The following SPATC1 variants were observed in gnomAD, a reference collection of about 807,000 sequenced individuals.
The protein encoded by SPATC1 is speriolin.
In SPATC1, 35 loss-of-function variants were observed where a neutral mutation model predicts 36.5. The ratio of observed to expected loss-of-function variants is 0.96; its 90% CI spans 0.73 to 1.27. SPATC1 has a LOEUF of 1.27. Among genes scored for constraint, SPATC1 ranks in the 50% most tolerant of loss-of-function variants. The probability of loss-of-function intolerance (pLI) is 0.00; values close to 1 mark genes in which losing one functional copy is unlikely to be tolerated. For missense variants in SPATC1, 779 were observed against 796.0 expected, an observed-to-expected ratio of 0.98 and a Z score of 0.26; for synonymous variants, 361 against 353.6, an observed-to-expected ratio of 1.02 and a Z score of -0.24.
At chr8:144,039,519 G>C (rs1197487171) in intron 1 of SPATC1, among the ~76,000 whole-genome samples, 1 of 152,210 alleles carries the variant, frequency 6.6e-6, no homozygotes, top group Admixed American at 6.5e-5. Context: ...GGTGACCTGA[G>C]AATCCAGCTG....
At chr8:144,042,321 T>A (rs1279348332) in intron 4 of SPATC1, among the ~76,000 whole-genome samples, 28 of 112,104 alleles carry the variant, frequency 2.5e-4, no homozygotes, top group African/African-American at 8.6e-4. Flanking sequence ...ATTTTTTTTT[T>A]TTTTTTTTTT....
At chr8:144,038,457 T>G (rs1834973820) in intron 1 of SPATC1, among the ~76,000 whole-genome samples, 1 of 150,304 alleles carries the variant, frequency 6.7e-6, no homozygotes, top group Admixed American at 6.6e-5. Context: ...CCGCATGAAT[T>G]TTACTTCTTT....
At chr8:144,038,060 G>A (rs1265217143) in intron 1 of SPATC1, among the ~76,000 whole-genome samples, 4 of 151,386 alleles carry the variant, frequency 2.6e-5, no homozygotes, top group East Asian at 3.9e-4. Context: ...CCCGGGGGGC[G>A]GAGCCTTCAG....
intron 1 of SPATC1, among the ~76,000 whole-genome samples, chr8:144,034,956 G>T (rs951003261): frequency 2.8e-4 from 43 of 152,276 alleles, no homozygotes; most frequent in African/African-American, 8.7e-4. Flanking sequence ...TACACTTGAT[G>T]TAACAATTTT....
intron 1 of SPATC1, among the ~76,000 whole-genome samples, chr8:144,025,754 T>G (rs2133117645): frequency 6.6e-6 from 1 of 152,276 alleles, no homozygotes; most frequent in East Asian, 1.9e-4. Flanking sequence ...TGATGGGTCG[T>G]AGACTGAGGC....
At chr8:144,011,263 G>A (rs1355963786), upstream of SPATC1, among the ~76,000 whole-genome samples, 2 of 152,222 alleles carry the variant, frequency 1.3e-5, no homozygotes, top group East Asian at 3.9e-4. The surrounding 1 kb of genome is among the most constrained non-coding windows in gnomAD (Gnocchi z 4.5). Context: ...TAAAGTTAGA[G>A]GGGTGACTGA....
intron 4 of SPATC1, 140 bp downstream of exon 4, chr8:144,041,511 C>A (rs994524114): frequency 1.0e-4 from 117 of 1,122,730 alleles, no homozygotes; most frequent in Non-Finnish European, 1.4e-4. Flanking sequence ...TCAGTGCCAA[C>A]GGCCTGCAGG....
intron 1 of SPATC1, among the ~76,000 whole-genome samples, chr8:144,033,399 CAAA>C (rs1316362492): frequency 8.0e-6 from 1 of 125,784 alleles, no homozygotes; most frequent in Non-Finnish European, 1.7e-5. Context: ...GACTCCGTCT[CAAA>C]AAAAAAAAAA....
chr8:144,025,618 A>C (rs1232043159), intron 1 of SPATC1, among the ~76,000 whole-genome samples: 1 of 152,178 alleles, frequency 6.6e-6, no homozygotes, highest in Non-Finnish European at 1.5e-5. Context: ...ACAAGCTAAC[A>C]GTGGGTGTCT....
intron 1 of SPATC1, among the ~76,000 whole-genome samples, chr8:144,026,308 C>T (rs1202744667): frequency 1.3e-5 from 2 of 152,168 alleles, no homozygotes; most frequent in Non-Finnish European, 2.9e-5. Flanking sequence ...TGGCTGAATA[C>T]TATTCCAGTG....
intron 1 of SPATC1, among the ~76,000 whole-genome samples, chr8:144,027,007 G>GGT (rs1375778377): frequency 7.5e-6 from 1 of 133,748 alleles, no homozygotes; most frequent in African/African-American, 2.8e-5. Context: ...TTTTTTTTTG[G>GGT]ATTTTTAGTA....
In SPATC1 at chr8:144,045,025, C is replaced by A. The variant is rs1398775769; in HGVS notation, c.1447-1602C>A. On this transcript the variant is annotated intron_variant, in intron 4 of 4. Transcript: ENST00000377470. The surrounding 1 kb of genome is among the most constrained non-coding windows in gnomAD (Gnocchi z 5.2). ...CCATCCCCCAAGGTGGGGGCCCCTG[C>A]GTGCCCTGGTGCTCAGTGCTCACTG... Among the ~76,000 whole-genome samples, 1 of 152,252 alleles carries A rather than the reference C, an allele frequency of 6.6e-6. No individual in the cohort carries two copies. Among genetic ancestry groups the A allele is most frequent in the Non-Finnish European group, 1.5e-5 (1 of 68,036 alleles).
chr8:144,036,526 G>T (rs1363913135), intron 1 of SPATC1, among the ~76,000 whole-genome samples: 1 of 152,038 alleles, frequency 6.6e-6, no homozygotes, highest in African/African-American at 2.4e-5. Context: ...GTTTCACCAT[G>T]TTGCCCAGGC....
At chr8:144,023,803 AC>A (rs1587498320) in intron 1 of SPATC1, among the ~76,000 whole-genome samples, 54 of 326 alleles carry the variant, frequency 0.17, 27 homozygotes, top group South Asian at 0.67. Flanking sequence ...ACCCTCTAGA[AC>A]CCTGTCCCTG....
intron 1 of SPATC1, among the ~76,000 whole-genome samples, chr8:144,032,471 T>G (rs907473177): frequency 3.3e-5 from 5 of 151,932 alleles, no homozygotes; most frequent in Admixed American, 6.6e-5. Context: ...AGAGACAGGG[T>G]TTCACCATGT....
At position 144,037,998 on chromosome 8, in the gene SPATC1, G is replaced by A. The variant is rs545067633; in HGVS notation, c.212-1911G>A. Among the ~76,000 whole-genome samples the A allele has an allele frequency of 2.4e-3, 367 of 151,398 alleles. 5 individuals are homozygous for A. The highest frequency in any genetic ancestry group is 7.1e-3 in the African/African-American group (292 of 41,188). ...CAAAAAATTAGCCGGGCGAGGTGGC[G>A]GGCGCCTGTAATCCCAGCTACGCGA... On this transcript the variant is annotated intron_variant, in intron 1 of 4. Transcript: ENST00000377470.
chr8:144,013,617 G>A (rs1834323113), intron 1 of SPATC1, among the ~76,000 whole-genome samples: 2 of 152,102 alleles, frequency 1.3e-5, no homozygotes, highest in African/African-American at 4.8e-5. Context: ...AGCTTTAAAT[G>A]TTATACCCCT....
chr8:144,041,208 G>A (rs782308427), intron 3 of SPATC1, 24 bp from the exon 4 acceptor site: 2 of 1,612,628 alleles, frequency 1.2e-6, no homozygotes, highest in African/African-American at 1.3e-5. Flanking sequence ...TCTCACCTGG[G>A]CTGACGAGAC....
At chr8:144,020,762 T>C (rs1271901188) in intron 1 of SPATC1, among the ~76,000 whole-genome samples, 2 of 103,958 alleles carry the variant, frequency 1.9e-5, no homozygotes, top group African/African-American at 7.9e-5. Flanking sequence ...CTGATGCCCT[T>C]AGGACCAAGC....
Sources: gnomAD v4.1 joint callset for allele counts (sites outside exome capture counted in the v4.1 genomes callset) on GRCh38, gnomAD v4.1.1 for gene constraint, Gnocchi (gnomAD v3.1) non-coding constraint, MANE v1.5 for transcripts, NCBI Gene and HGNC (gene_info 2026-07-23, HGNC 2026-07-21) for gene names.